HIKESHI: variants seen among roughly 807,000 people sequenced by gnomAD.
HIKESHI encodes the protein heat shock protein nuclear import factor hikeshi.
In HIKESHI, 13 loss-of-function variants were observed where a neutral mutation model predicts 25.7. That is an observed-to-expected ratio of 0.51 (90% CI 0.33 to 0.80). The LOEUF (loss-of-function observed/expected upper bound fraction) is 0.80, where lower values mean the gene tolerates loss of function less well. HIKESHI is among the 30% of genes least tolerant of loss of function. The probability of loss-of-function intolerance (pLI) is 0.02; values close to 1 mark genes in which losing one functional copy is unlikely to be tolerated. For missense variants in HIKESHI, 174 were observed against 229.5 expected (o/e 0.76, Z 1.56); for synonymous variants, 76 against 78.7 (o/e 0.97, Z 0.18).
intron 2 of HIKESHI, among the ~76,000 whole-genome samples, chr11:86,329,897 T>C (rs553397443): frequency 2.4e-4 from 36 of 152,150 alleles, no homozygotes; most frequent in Non-Finnish European, 4.3e-4. Flanking sequence ...TTACTTTTAA[T>C]GTAAATCTCT....
intron 1 of HIKESHI, among the ~76,000 whole-genome samples, chr11:86,303,195 T>C (rs1946539020): frequency 6.6e-6 from 1 of 152,226 alleles, no homozygotes; most frequent in African/African-American, 2.4e-5. Context: ...TTTGTTTCCT[T>C]AGAAACCACA....
At chr11:86,338,196 A>G (rs982134438) in intron 3 of HIKESHI, among the ~76,000 whole-genome samples, 16 of 151,940 alleles carry the variant, frequency 1.1e-4, no homozygotes, top group African/African-American at 3.6e-4. Flanking sequence ...CCACTCTTCA[A>G]CCCCTGGCAA....
intron 2 of HIKESHI, among the ~76,000 whole-genome samples, chr11:86,326,288 A>C (rs1444571030): frequency 6.6e-6 from 1 of 152,108 alleles, no homozygotes; most frequent in Non-Finnish European, 1.5e-5. Flanking sequence ...ACAGAGGGAG[A>C]CTCCGTCTCA....
chr11:86,308,450 AAATAG>A (rs1946741023), intron 2 of HIKESHI, among the ~76,000 whole-genome samples: 1 of 147,548 alleles, frequency 6.8e-6, no homozygotes, highest in East Asian at 1.9e-4. Context: ...TGTATAAAGC[AAATAG>A]AATAGAAGTA....
At chr11:86,312,705 C>A (rs989811351) in intron 2 of HIKESHI, among the ~76,000 whole-genome samples, 1 of 152,042 alleles carries the variant, frequency 6.6e-6, no homozygotes, top group African/African-American at 2.4e-5. Flanking sequence ...CTGGTTGTTC[C>A]TTTTTATGTT....
At chr11:86,319,242 A>ATATATTTTTTTTT (rs1383589741) in intron 2 of HIKESHI, among the ~76,000 whole-genome samples, 2 of 94,952 alleles carry the variant, frequency 2.1e-5, no homozygotes, top group Admixed American at 2.8e-4. Flanking sequence ...ATATATATAT[A>ATATATTTTTTTTT]TTTTTTTTTT....
intron 2 of HIKESHI, among the ~76,000 whole-genome samples, chr11:86,317,743 T>C (rs1202530087): frequency 6.6e-6 from 1 of 151,710 alleles, no homozygotes; most frequent in East Asian, 1.9e-4. Context: ...AGGCAGAGGT[T>C]GCAGTGAGCC....
intron 1 of HIKESHI, chr11:86,303,465 G>C: frequency 1.0e-6 from 1 of 952,758 alleles, no homozygotes; most frequent in Non-Finnish European, 1.2e-6. Flanking sequence ...ATCCTGGTGA[G>C]ATAATTTTGC....
intron 1 of HIKESHI, among the ~76,000 whole-genome samples, chr11:86,305,061 G>A (rs897824016): frequency 2.6e-5 from 4 of 152,148 alleles, no homozygotes; most frequent in East Asian, 3.9e-4. Flanking sequence ...GTGCAGTGGC[G>A]GGACCTCGGC....
intron 2 of HIKESHI, among the ~76,000 whole-genome samples, chr11:86,309,009 G>GT (rs1946760870): frequency 1.7e-5 from 2 of 116,674 alleles, no homozygotes; most frequent in African/African-American, 2.8e-5. Context: ...TTGCTATTGT[G>GT]AATAGTGCCA....
intron 2 of HIKESHI, among the ~76,000 whole-genome samples, chr11:86,307,716 A>G (rs1946682673): frequency 9.6e-6 from 1 of 104,442 alleles, no homozygotes; most frequent in South Asian, 3.3e-4. Flanking sequence ...TATAAAATAT[A>G]TATTATGTGT....
In HIKESHI at chr11:86,302,313, C is replaced by T; in HGVS notation, c.-136C>T. ...GGGCAGAGGCATTCTTGCCGCTGGC[C>T]CAGTCACTATGTAGTGGAGGGGCAG... On this transcript the variant is annotated 5_prime_UTR_variant, in exon 1 of 5. Coordinates refer to ENST00000278483, the MANE Select transcript of HIKESHI (RefSeq NM_016401.4). 1 of 1,049,526 alleles carries T rather than the reference C, an allele frequency of 9.5e-7. No homozygotes were observed. Among genetic ancestry groups the T allele is most frequent in the South Asian group, 1.4e-5 (1 of 73,248 alleles). The allele number at this position is 1,049,526 out of a possible 1,614,324, so 65.0% of individuals were successfully genotyped here.
At chr11:86,332,137 A>AT (rs1306218006) in intron 2 of HIKESHI, among the ~76,000 whole-genome samples, 1 of 150,776 alleles carries the variant, frequency 6.6e-6, no homozygotes, top group East Asian at 1.9e-4. Flanking sequence ...ACTTATTTTT[A>AT]TTTTTTTTAG....
At chr11:86,339,449 A>T in intron 3 of HIKESHI, among the ~76,000 whole-genome samples, 1 of 152,196 alleles carries the variant, frequency 6.6e-6, no homozygotes, top group East Asian at 1.9e-4. Context: ...ATACATTAAG[A>T]CTTCCATTGT....
intron 2 of HIKESHI, among the ~76,000 whole-genome samples, chr11:86,306,872 C>T (rs1364664167): frequency 2.0e-5 from 3 of 151,080 alleles, no homozygotes; most frequent in African/African-American, 4.9e-5. Context: ...TGGTGGTGGG[C>T]GCCTGTAGTC....
At chr11:86,325,718 A>C (rs1169293896) in intron 2 of HIKESHI, among the ~76,000 whole-genome samples, 1 of 151,880 alleles carries the variant, frequency 6.6e-6, no homozygotes. Flanking sequence ...CTAAAAATAC[A>C]AAAATTAGCT....
chr11:86,319,554 G>A (rs1947098570), intron 2 of HIKESHI, among the ~76,000 whole-genome samples: 2 of 151,876 alleles, frequency 1.3e-5, no homozygotes, highest in African/African-American at 4.8e-5. Flanking sequence ...ATAGCACCCA[G>A]CCCCAAAATG....
rs1170005202 is a variant in HIKESHI at position 86,302,414 on chromosome 11, C to T, written c.-35C>T. 2 of 1,551,384 alleles carry T rather than the reference C, an allele frequency of 1.3e-6. No individual in the cohort carries two copies. Among genetic ancestry groups the T allele is most frequent in the Non-Finnish European group, 1.7e-6 (2 of 1,147,034 alleles). ...CCCCAGGACTCCTAGTCGCCGGCTT[C>T]AGGTCACTGCCGGCTGAACGGAGCT... is the stretch of plus-strand genomic sequence containing the variant. On this transcript the variant is annotated 5_prime_UTR_variant, in exon 1 of 5. Coordinates refer to ENST00000278483, the MANE Select transcript of HIKESHI (RefSeq NM_016401.4).
chr11:86,325,435 C>T (rs1343808371), intron 2 of HIKESHI, among the ~76,000 whole-genome samples: 3 of 152,002 alleles, frequency 2.0e-5, no homozygotes, highest in Non-Finnish European at 2.9e-5. Context: ...CATTTTACCC[C>T]GTTGCTGGAA....
Sources: gnomAD v4.1 joint callset for allele counts (sites outside exome capture counted in the v4.1 genomes callset) on GRCh38, gnomAD v4.1.1 for gene constraint, MANE v1.5 for transcripts, NCBI Gene and HGNC (gene_info 2026-07-23, HGNC 2026-07-21) for gene names.